The following CSTA variants were observed in gnomAD, a reference collection of about 807,000 sequenced individuals.
The protein encoded by CSTA is cystatin A.
Under a neutral mutation model 9.2 loss-of-function variants are expected in CSTA, and 9 were observed. The observed-to-expected ratio is 0.97, with a 90% CI of 0.59 to 1.70. The LOEUF (loss-of-function observed/expected upper bound fraction) is 1.70. Ranked by LOEUF, CSTA falls within the 40% of genes most tolerant of loss-of-function variation. CSTA has a pLI of 0.00. For missense variants in CSTA, 118 were observed against 113.1 expected (o/e 1.04, Z -0.20); for synonymous variants, 36 against 40.6 (o/e 0.89, Z 0.43).
At chr3:122,332,705 G>A (rs968051979) in intron 1 of CSTA, among the ~76,000 whole-genome samples, 1 of 152,142 alleles carries the variant, frequency 6.6e-6, no homozygotes, top group Non-Finnish European at 1.5e-5. Flanking sequence ...TCCCCGGCTG[G>A]AGACCAAGCG....
intron 1 of CSTA, among the ~76,000 whole-genome samples, chr3:122,331,021 A>C (rs1465791645): frequency 1.3e-5 from 2 of 152,060 alleles, no homozygotes; most frequent in African/African-American, 4.8e-5. Flanking sequence ...AATTGTGAGC[A>C]TATTTATGAG....
chr3:122,333,553 AAG>A (rs1431598171), intron 1 of CSTA, among the ~76,000 whole-genome samples: 3 of 108,760 alleles, frequency 2.8e-5, no homozygotes, highest in African/African-American at 1.2e-4. Context: ...GAAAGAAAGA[AAG>A]AAAGAAAGAA....
At chr3:122,341,384 G>A in intron 2 of CSTA, 55 bp from the exon 3 acceptor site, 1 of 1,597,702 alleles carries the variant, frequency 6.3e-7, no homozygotes, top group Non-Finnish European at 8.6e-7. Flanking sequence ...CTCACTTGAT[G>A]TAGACCCATT....
chr3:122,332,405 C>G (rs1225563968), intron 1 of CSTA, among the ~76,000 whole-genome samples: 2 of 152,184 alleles, frequency 1.3e-5, no homozygotes, highest in African/African-American at 4.8e-5. Flanking sequence ...TTTCATGTTA[C>G]TATTCAAACT....
At chr3:122,331,338 G>A (rs955131786) in intron 1 of CSTA, among the ~76,000 whole-genome samples, 2 of 151,956 alleles carry the variant, frequency 1.3e-5, no homozygotes, top group African/African-American at 4.8e-5. Context: ...CTCCTTATTA[G>A]TCGCCTCTCC....
At chr3:122,331,460 C>T (rs2075204473) in intron 1 of CSTA, among the ~76,000 whole-genome samples, 1 of 152,144 alleles carries the variant, frequency 6.6e-6, no homozygotes, top group Admixed American at 6.5e-5. Flanking sequence ...CTCATCCAGC[C>T]TGGACCCCAT....
intron 1 of CSTA, among the ~76,000 whole-genome samples, chr3:122,333,618 A>AAAAGG (rs1190632295): frequency 1.3e-5 from 2 of 148,336 alleles, no homozygotes; most frequent in Admixed American, 6.7e-5. Context: ...GGAAGGAAGG[A>AAAAGG]AAAGGAAAGG....
intron 1 of CSTA, among the ~76,000 whole-genome samples, chr3:122,331,486 T>C (rs1188236904): frequency 1.3e-5 from 2 of 152,068 alleles, no homozygotes; most frequent in African/African-American, 4.8e-5. Flanking sequence ...GAGGGTAGCT[T>C]CAAATACTCC....
At chr3:122,328,499 C>CAA (rs34247215) in intron 1 of CSTA, among the ~76,000 whole-genome samples, 2,536 of 85,708 alleles carry the variant, frequency 0.03, 88 homozygotes, top group South Asian at 0.048. Flanking sequence ...GATTCCATCT[C>CAA]AAAAAAAAAA....
chr3:122,333,365 G>T (rs1197389271), intron 1 of CSTA, among the ~76,000 whole-genome samples: 1 of 151,986 alleles, frequency 6.6e-6, no homozygotes, highest in African/African-American at 2.4e-5. Context: ...TAAAAAATTA[G>T]CTGGGAGTGG....
At position 122,341,579 on chromosome 3, in the gene CSTA, C is replaced by A; in HGVS notation, c.*12C>A. 1 of 1,614,074 alleles carries A rather than the reference C, an allele frequency of 6.2e-7. No homozygotes were observed. Among genetic ancestry groups the A allele is most frequent in the Non-Finnish European group, 8.5e-7 (1 of 1,179,982 alleles). On this transcript the variant is annotated 3_prime_UTR_variant, in exon 3 of 3. Coordinates refer to ENST00000264474, the MANE Select transcript of CSTA (RefSeq NM_005213.4). ...TGACGGGCTTTTAGCAGCATGTACCCAAAGTGTTCTGATTCCTTCAACTGG... is the reference window on the plus strand; with the variant it reads ...TGACGGGCTTTTAGCAGCATGTACCAAAAGTGTTCTGATTCCTTCAACTGG...
intron 1 of CSTA, among the ~76,000 whole-genome samples, chr3:122,330,898 C>T (rs1371685995): frequency 6.6e-6 from 1 of 152,084 alleles, no homozygotes; most frequent in Non-Finnish European, 1.5e-5. Flanking sequence ...CATGAAAAGC[C>T]ACAATCTGTA....
At chr3:122,333,826 T>A (rs887832263) in intron 1 of CSTA, among the ~76,000 whole-genome samples, 1 of 152,172 alleles carries the variant, frequency 6.6e-6, no homozygotes, top group African/African-American at 2.4e-5. Flanking sequence ...ACAGATCAGA[T>A]ATATAAGTTA....
Position 122,341,455 on chromosome 3 carries a change from A to C in CSTA, c.185A>C (p.Asn62Thr). The C allele has an allele frequency of 6.2e-7, 1 of 1,614,012 alleles. No individual in the cohort carries two copies. The highest frequency in any genetic ancestry group is 8.5e-7 in the Non-Finnish European group (1 of 1,179,934). The change falls in exon 3 of 3, where the codon AAT becomes ACT. Residue 62 changes from asparagine (N) to threonine (T), a missense_variant. Physicochemically the swap from Asn to Thr is moderately conservative, Grantham distance 65. Coordinates refer to ENST00000264474, the MANE Select transcript of CSTA (RefSeq NM_005213.4). The stretch of plus-strand genomic sequence containing the variant: ...ATTTTTCAGGTACGAGCAGGTGATA[A>C]TAAATATATGCACTTGAAAGTATTC... ...NYYIKVRAGD[N>T]KYMHLKVFKS...
intron 1 of CSTA, among the ~76,000 whole-genome samples, chr3:122,333,109 A>T (rs1019378373): frequency 3.9e-5 from 6 of 152,234 alleles, no homozygotes; most frequent in Non-Finnish European, 8.8e-5. Flanking sequence ...TTCAAGAAAC[A>T]AACCAGATCT....
At chr3:122,332,863 G>A (rs1057096141) in intron 1 of CSTA, among the ~76,000 whole-genome samples, 2 of 152,178 alleles carry the variant, frequency 1.3e-5, no homozygotes, top group African/African-American at 4.8e-5. Context: ...TCCTCCTAGT[G>A]CCCATCCTGG....
chr3:122,340,300 C>T (rs1337320754), intron 2 of CSTA, among the ~76,000 whole-genome samples: 1 of 149,468 alleles, frequency 6.7e-6, no homozygotes, highest in Non-Finnish European at 1.5e-5. Context: ...AACCCCTTAG[C>T]TTTTTTTTTT....
At chr3:122,336,169 C>T (rs1294840909) in intron 1 of CSTA, among the ~76,000 whole-genome samples, 1 of 152,200 alleles carries the variant, frequency 6.6e-6, no homozygotes, top group South Asian at 2.1e-4. Context: ...ACAAGAGACA[C>T]AGCACCCAAA....
At chr3:122,330,912 C>G (rs1173342168) in intron 1 of CSTA, among the ~76,000 whole-genome samples, 1 of 151,944 alleles carries the variant, frequency 6.6e-6, no homozygotes, top group Non-Finnish European at 1.5e-5. Context: ...ATCTGTATAA[C>G]GAAGAACCAA....
Sources: allele counts gnomAD v4.1 joint callset (sites outside exome capture counted in the v4.1 genomes callset), GRCh38; gene constraint gnomAD v4.1.1; transcripts MANE v1.5; gene names NCBI Gene and HGNC (gene_info 2026-07-23, HGNC 2026-07-21).